The following INO80D variants were observed in gnomAD, a reference collection of about 807,000 sequenced individuals.
The protein encoded by INO80D is INO80 complex subunit D.
Under a neutral mutation model 87.6 loss-of-function variants are expected in INO80D, and 21 were observed. The observed-to-expected ratio is 0.24, with a 90% CI of 0.17 to 0.35. The LOEUF (loss-of-function observed/expected upper bound fraction) is 0.35. Ranked by LOEUF, INO80D falls within the 10% of genes least tolerant of loss-of-function variation. INO80D has a pLI of 1.00. For synonymous variants in INO80D, 440 were observed against 491.0 expected (o/e 0.90, Z 1.37); for missense variants, 982 against 1,280.7 (o/e 0.77, Z 3.56).
chr2:206,029,661 A>G (rs1688709474), intron 5 of INO80D, among the ~76,000 whole-genome samples: 1 of 152,236 alleles, frequency 6.6e-6, no homozygotes, highest in Non-Finnish European at 1.5e-5. Context: ...TCTCCTAAGA[A>G]GCACATTCTC....
rs1040156710 is a variant in INO80D at position 206,025,904 on chromosome 2, AT to A, written c.1298+2206del. On this transcript the variant is annotated intron_variant, in intron 6 of 10. Coordinates refer to ENST00000403263, the MANE Select transcript of INO80D (RefSeq NM_017759.5). The stretch of plus-strand genomic sequence containing the variant: ...CCTTAAAGTAAGATAATGTTTTGAA[AT>A]TTTTTTTTTTGGAAGGCAGTCCCAC... Among the ~76,000 whole-genome samples the A allele has an allele frequency of 1.4e-4, 20 of 147,704 alleles. 1 individual carries two copies. Among genetic ancestry groups the A allele is most frequent in the East Asian group, 2.0e-4 (1 of 4,986 alleles).
intron 1 of INO80D, among the ~76,000 whole-genome samples, chr2:206,084,106 C>A (rs1690361246): frequency 6.6e-6 from 1 of 150,752 alleles, no homozygotes; most frequent in East Asian, 1.9e-4. Flanking sequence ...GAGCTCAGGG[C>A]ACCAAAATAT....
chr2:206,055,775 T>C (rs1689500754), intron 4 of INO80D, among the ~76,000 whole-genome samples: 3 of 152,248 alleles, frequency 2.0e-5, no homozygotes, highest in Admixed American at 2.0e-4. Flanking sequence ...AGATTCCATT[T>C]GTACTGAACA....
chr2:206,008,967 C>G (rs1335156461), intron 9 of INO80D, among the ~76,000 whole-genome samples: 1 of 152,186 alleles, frequency 6.6e-6, no homozygotes, highest in Non-Finnish European at 1.5e-5. Context: ...CCTCATATTT[C>G]TGATGGAATA....
intron 1 of INO80D, among the ~76,000 whole-genome samples, chr2:206,065,404 G>T (rs1243470327): frequency 6.6e-6 from 1 of 152,266 alleles, no homozygotes; most frequent in East Asian, 1.9e-4. Context: ...TGGGGGCAGA[G>T]GTTGCAGTGA....
chr2:206,083,860 C>CA (rs35840816), intron 1 of INO80D, among the ~76,000 whole-genome samples: 23,138 of 99,354 alleles, frequency 0.23, 3,267 homozygotes, highest in African/African-American at 0.44. Context: ...CTAAGCTCAC[C>CA]AAAAAAAAAA....
intron 8 of INO80D, among the ~76,000 whole-genome samples, chr2:206,013,500 C>T (rs941860404): frequency 6.1e-5 from 9 of 147,502 alleles, no homozygotes; most frequent in African/African-American, 7.5e-5. Context: ...TGCAGTGAGC[C>T]GAGATCTCAC....
At chr2:206,033,066 CAACT>C (rs1211135499) in intron 5 of INO80D, among the ~76,000 whole-genome samples, 2 of 152,122 alleles carry the variant, frequency 1.3e-5, no homozygotes, top group Admixed American at 6.5e-5. Context: ...ACCCACCAAC[CAACT>C]ATCTGCTGCC....
At position 206,004,514 on chromosome 2, in the gene INO80D, C is replaced by T. The variant is rs1165751043; in HGVS notation, c.2938G>A (p.Gly980Ser). ...QQLPQFSAAF[G>S]HQLSSHSGIP... ...CCACTGTGAGAACTCAGCTGGTGGC[C>T]AAAGGCTGCGCTGAACTGAGGGAGT... Residue 980 changes from glycine to serine, a missense_variant, in exon 11 of 11, where the codon GGC (glycine) becomes AGC (serine). Physicochemically the swap from Gly to Ser is moderately conservative, Grantham distance 56. Transcript: ENST00000403263. This position sits in a 1 kb window ranked among gnomAD's most constrained non-coding sequence, Gnocchi z 4.9. The T allele has an allele frequency of 6.2e-7, 1 of 1,610,350 alleles. No individual in the cohort carries two copies. Among genetic ancestry groups the T allele is most frequent in the South Asian group, 1.1e-5 (1 of 90,260 alleles).
intron 9 of INO80D, among the ~76,000 whole-genome samples, 191 bp from the exon 10 acceptor site, chr2:206,007,632 G>C: frequency 6.6e-6 from 1 of 152,086 alleles, no homozygotes; most frequent in Non-Finnish European, 1.5e-5. Context: ...GATCAGCCTG[G>C]TCAACATGGC....
rs1168454217 is a variant in INO80D at position 206,085,570 on chromosome 2, G to T, written c.-124+331C>A. 1 of 149,384 alleles carries T rather than the reference G, an allele frequency of 6.7e-6. No homozygotes were observed. Among genetic ancestry groups the T allele is most frequent in the Non-Finnish European group, 1.5e-5 (1 of 67,094 alleles). The allele number at this position is 149,384 out of a possible 1,614,324, so 9.3% of individuals were successfully genotyped here. The stretch of plus-strand genomic sequence containing the variant: ...GGCGCGGCTGCCGTGGGGCCTACCG[G>T]CCCGAGGCCTACCGGCGCCCCCCCC... On this transcript the variant is annotated intron_variant, in intron 1 of 10. Transcript: ENST00000403263. The surrounding 1 kb of genome is among the most constrained non-coding windows in gnomAD (Gnocchi z 4.5).
At position 206,004,664 on chromosome 2, in the gene INO80D, T is replaced by G; in HGVS notation, c.2788A>C (p.Thr930Pro). 1 of 1,613,714 alleles carries G rather than the reference T, an allele frequency of 6.2e-7. No individual in the cohort carries two copies. The highest frequency in any genetic ancestry group is 8.5e-7 in the Non-Finnish European group (1 of 1,179,788). Residue 930 changes from threonine (T) to proline (P), a missense_variant, in exon 11 of 11, where the codon ACA becomes CCA. Coordinates refer to ENST00000403263, the MANE Select transcript of INO80D (RefSeq NM_017759.5). This position sits in a 1 kb window ranked among gnomAD's most constrained non-coding sequence, Gnocchi z 4.9. Reference sequence around the variant, plus strand: ...GTCACGGTGGCGAAGGCAGGCTGTGTGGTCTCTGAGTTCGAAGTGGTGGGT... The same window carrying G: ...GTCACGGTGGCGAAGGCAGGCTGTGGGGTCTCTGAGTTCGAAGTGGTGGGT... ...TPPTTSNSET[T>P]QPAFATVTPS...
intron 6 of INO80D, among the ~76,000 whole-genome samples, chr2:206,022,104 C>A (rs1688480086): frequency 6.6e-6 from 1 of 151,788 alleles, no homozygotes; most frequent in Non-Finnish European, 1.5e-5. Flanking sequence ...CAGTGGCTCA[C>A]CCAGTAATCC....
At chr2:206,018,258 T>C (rs1223832981) in intron 7 of INO80D, among the ~76,000 whole-genome samples, 2 of 152,154 alleles carry the variant, frequency 1.3e-5, no homozygotes, top group Admixed American at 6.6e-5. Flanking sequence ...GATTCTCCTG[T>C]CTCAGCCTCC....
intron 5 of INO80D, among the ~76,000 whole-genome samples, chr2:206,029,224 A>C (rs1688700471): frequency 6.6e-6 from 1 of 152,072 alleles, no homozygotes; most frequent in African/African-American, 2.4e-5. Flanking sequence ...GAAGTATCCT[A>C]AACAGCATTT....
chr2:205,994,601 A>C lies in INO80D; in HGVS notation c.*9767T>G, dbSNP rs1687774562. On this transcript the variant is annotated 3_prime_UTR_variant, in exon 11 of 11. Transcript: ENST00000403263. The stretch of plus-strand genomic sequence containing the variant: ...CTAAGCTACTCAGTAAAATGGCTCA[A>C]ACCCCAGCCTCTCTATTTTAGTCTT... The C allele has an allele frequency of 6.6e-6, 1 of 152,138 alleles. No individual in the cohort carries two copies. The highest frequency in any genetic ancestry group is 1.5e-5 in the Non-Finnish European group (1 of 68,032). The allele number at this position is 152,138 out of a possible 1,614,324, so 9.4% of individuals were successfully genotyped here.
chr2:206,056,050 C>G lies in INO80D; in HGVS notation c.964+148G>C, dbSNP rs1033825143. 13 of 751,594 alleles carry G rather than the reference C, an allele frequency of 1.7e-5. No individual in the cohort carries two copies. In the African/African-American group the frequency reaches 2.3e-4, roughly 13 times the overall value. The allele number at this position is 751,594 out of a possible 1,614,324, so 46.6% of individuals were successfully genotyped here. On this transcript the variant is annotated intron_variant, in intron 4 of 10. Transcript: ENST00000403263. ...CTGTGTTTATTTTAAGGTGGTCTAC[C>G]TAAATACAGAATCTTTCACTGCACC...
At chr2:206,009,306 C>T (rs1343802514) in intron 9 of INO80D, among the ~76,000 whole-genome samples, 1 of 150,474 alleles carries the variant, frequency 6.6e-6, no homozygotes, top group Non-Finnish European at 1.5e-5. Flanking sequence ...GACTTGGTCT[C>T]AAGAAAAAAA....
intron 5 of INO80D, among the ~76,000 whole-genome samples, chr2:206,029,474 T>C (rs1688705382): frequency 6.6e-6 from 1 of 152,244 alleles, no homozygotes; most frequent in Non-Finnish European, 1.5e-5. Flanking sequence ...AAAACTGACC[T>C]GTTATTTTAG....
Sources: allele counts gnomAD v4.1 joint callset (sites outside exome capture counted in the v4.1 genomes callset), GRCh38; gene constraint gnomAD v4.1.1; non-coding constraint Gnocchi (gnomAD v3.1); transcripts MANE v1.5; gene names NCBI Gene and HGNC (gene_info 2026-07-23, HGNC 2026-07-21).